FAM193A: variants seen among roughly 807,000 people sequenced by gnomAD.
FAM193A encodes family with sequence similarity 193 member A.
In FAM193A, 22 loss-of-function variants were observed where a neutral mutation model predicts 126.5. The ratio of observed to expected loss-of-function variants is 0.17; its 90% CI spans 0.12 to 0.25. The LOEUF (loss-of-function observed/expected upper bound fraction) is 0.25, where lower values mean the gene tolerates loss of function less well. Among genes scored for constraint, FAM193A ranks in the 10% least tolerant of loss-of-function variants. The pLI is 1.00. For missense variants in FAM193A, 1,675 were observed against 1,672.8 expected (o/e 1.00, Z -0.02); for synonymous variants, 761 against 646.8 (o/e 1.18, Z -2.68).
intron 20 of FAM193A, among the ~76,000 whole-genome samples, chr4:2,726,836 G>C (rs1442195522): frequency 7.0e-6 from 1 of 142,106 alleles, no homozygotes; most frequent in South Asian, 2.3e-4. Flanking sequence ...TGTAGTCCCA[G>C]CTACTCTGGA....
chr4:2,643,351 A>G (rs1301806167), intron 6 of FAM193A, among the ~76,000 whole-genome samples: 2 of 152,166 alleles, frequency 1.3e-5, no homozygotes, highest in East Asian at 1.9e-4. Flanking sequence ...ATATGGTACA[A>G]TTCACCCACT....
intron 1 of FAM193A, among the ~76,000 whole-genome samples, chr4:2,562,907 C>T (rs1275638073): frequency 3.3e-5 from 5 of 151,412 alleles, no homozygotes; most frequent in Non-Finnish European, 7.4e-5. Context: ...GGATTACAGG[C>T]GTGAGCCACC....
chr4:2,731,812 C>T lies in FAM193A; in HGVS notation c.4492C>T (p.Leu1498=). 1 of 1,614,172 alleles carries T rather than the reference C, an allele frequency of 6.2e-7. No homozygotes were observed. The highest frequency in any genetic ancestry group is 8.5e-7 in the Non-Finnish European group (1 of 1,180,004). Residue 1498 remains leucine (L), a synonymous_variant, in exon 21 of 21, where the codon CTG becomes TTG. Transcript: ENST00000637812. ...LDSARQTRQR[L]SINWSNFSLK... is the part of the protein sequence containing the mutation. ...TTCTGCTAGACAGACCCGACAAAGACTGTCTATCAACTGGTCCAATTTTAG... is the reference window on the plus strand; with the variant it reads ...TTCTGCTAGACAGACCCGACAAAGATTGTCTATCAACTGGTCCAATTTTAG...
At chr4:2,674,688 A>G (rs1714202083) in intron 13 of FAM193A, among the ~76,000 whole-genome samples, 1 of 152,300 alleles carries the variant, frequency 6.6e-6, no homozygotes, top group South Asian at 2.1e-4. Flanking sequence ...TAAAAAGTTT[A>G]GCATGGGTAC....
chr4:2,542,637 A>G (rs1297456124), intron 1 of FAM193A, among the ~76,000 whole-genome samples: 1 of 152,194 alleles, frequency 6.6e-6, no homozygotes, highest in Non-Finnish European at 1.5e-5. Flanking sequence ...AGTACCTTGT[A>G]TGGTGCAAAA....
intron 13 of FAM193A, among the ~76,000 whole-genome samples, chr4:2,686,042 T>C (rs918331913): frequency 5.9e-5 from 9 of 152,236 alleles, no homozygotes; most frequent in African/African-American, 2.2e-4. Context: ...GTTATATCAT[T>C]GGTGGACTTA....
chr4:2,616,663 C>T (rs968241048), intron 2 of FAM193A, among the ~76,000 whole-genome samples: 10 of 151,722 alleles, frequency 6.6e-5, no homozygotes, highest in African/African-American at 2.2e-4. Context: ...AGGTTCACGC[C>T]ATTCTCCCAC....
At chr4:2,628,663 T>G (rs575067627) in intron 4 of FAM193A, among the ~76,000 whole-genome samples, 87 of 152,042 alleles carry the variant, frequency 5.7e-4, no homozygotes, top group African/African-American at 2.0e-3. Flanking sequence ...CAAAGTTAGG[T>G]TTCCTAGTGA....
intron 15 of FAM193A, among the ~76,000 whole-genome samples, chr4:2,693,206 G>T (rs1716606081): frequency 6.6e-6 from 1 of 152,060 alleles, no homozygotes; most frequent in Admixed American, 6.6e-5. Context: ...TTCTAGTAGA[G>T]ATGCGGTTTC....
At chr4:2,729,010 G>A (rs1721080259) in intron 20 of FAM193A, among the ~76,000 whole-genome samples, 1 of 149,522 alleles carries the variant, frequency 6.7e-6, no homozygotes, top group African/African-American at 2.5e-5. Context: ...CTAGTCAGGT[G>A]TGAGCAGGGC....
intron 6 of FAM193A, among the ~76,000 whole-genome samples, chr4:2,641,965 G>A (rs1334616416): frequency 2.6e-5 from 4 of 151,094 alleles, no homozygotes; most frequent in Non-Finnish European, 2.9e-5. Flanking sequence ...GGCCAGGTGC[G>A]GTGGCTCATG....
intron 4 of FAM193A, among the ~76,000 whole-genome samples, chr4:2,627,494 A>G (rs1415622760): frequency 2.8e-5 from 2 of 71,970 alleles, no homozygotes; most frequent in Non-Finnish European, 3.9e-5. Flanking sequence ...AATGAAAGCA[A>G]CTTATTTGAG....
intron 1 of FAM193A, among the ~76,000 whole-genome samples, chr4:2,546,359 C>T (rs1377442751): frequency 2.0e-5 from 3 of 152,034 alleles, no homozygotes; most frequent in Non-Finnish European, 4.4e-5. Context: ...ATATCTACTA[C>T]CACAATCAGG....
intron 7 of FAM193A, among the ~76,000 whole-genome samples, chr4:2,654,239 G>A (rs542806828): frequency 1.3e-5 from 2 of 152,202 alleles, no homozygotes; most frequent in South Asian, 4.1e-4. Flanking sequence ...TTGTTTGTTT[G>A]AGATGGAGTC....
At chr4:2,632,277 A>G (rs192888415) in intron 5 of FAM193A, among the ~76,000 whole-genome samples, 21 of 152,274 alleles carry the variant, frequency 1.4e-4, no homozygotes, top group Non-Finnish European at 2.6e-4. Context: ...AGAAAAATTT[A>G]CATACAGCCC....
chr4:2,535,412 A>C (rs1358933793), upstream of FAM193A, among the ~76,000 whole-genome samples: 2 of 152,184 alleles, frequency 1.3e-5, no homozygotes, highest in African/African-American at 4.8e-5. Context: ...AGCTCGGTTA[A>C]CGCTGCAAGG....
At chr4:2,542,233 C>T (rs1033660615) in intron 1 of FAM193A, among the ~76,000 whole-genome samples, 17 of 151,838 alleles carry the variant, frequency 1.1e-4, no homozygotes, top group African/African-American at 4.1e-4. Flanking sequence ...TCTAGAACTC[C>T]TGACCTTGTG....
chr4:2,592,872 G>A (rs941922124), intron 1 of FAM193A, among the ~76,000 whole-genome samples: 2 of 152,162 alleles, frequency 1.3e-5, no homozygotes, highest in African/African-American at 2.4e-5. Flanking sequence ...AGTGAGGAGC[G>A]GGACAAACCT....
rs952605287 is a variant in FAM193A at position 2,596,467 on chromosome 4, C to T, written c.501+138C>T. 1.5e-5 allele frequency: 9 copies of T among 610,472 alleles called. No homozygotes were observed. The South Asian group carries it at 1.7e-4, about 12-fold the overall frequency. 37.8% of individuals were successfully genotyped at this position (610,472 alleles called of 1,614,324 possible). ...CTGCACCACCTTCTAGTCTGTGTCT[C>T]CTGGTACGTTCCTCCTGGTCTTCCC... On this transcript the variant is annotated intron_variant, in intron 2 of 20. Transcript: ENST00000637812.
Sources: gnomAD v4.1 joint callset for allele counts (sites outside exome capture counted in the v4.1 genomes callset) on GRCh38, gnomAD v4.1.1 for gene constraint, MANE v1.5 for transcripts, NCBI Gene and HGNC (gene_info 2026-07-23, HGNC 2026-07-21) for gene names.